DPP6: variants seen among roughly 807,000 people sequenced by gnomAD.
DPP6 encodes dipeptidyl peptidase like 6.
DPP6 carries 69 observed loss-of-function variants against 122.6 expected under a neutral mutation model. That is an observed-to-expected ratio of 0.56 (90% confidence interval 0.46 to 0.69). DPP6 has a LOEUF of 0.69. Ranked by LOEUF, DPP6 falls within the 30% of genes least tolerant of loss-of-function variation. DPP6 has a pLI of 0.00. For missense variants in DPP6, 928 were observed against 1,116.9 expected, an observed-to-expected ratio of 0.83 and a Z score of 2.41; for synonymous variants, 418 against 433.1, an observed-to-expected ratio of 0.97 and a Z score of 0.43.
chr7:154,628,929 T>C (rs1835248711), intron 5 of DPP6, among the ~76,000 whole-genome samples: 1 of 152,218 alleles, frequency 6.6e-6, no homozygotes, highest in Admixed American at 6.5e-5. Context: ...GTCTCACCTC[T>C]CCTCATGTCA....
At chr7:153,804,683 A>G in the DPP6 span, among the ~76,000 whole-genome samples, 2 of 152,080 alleles carry the variant, frequency 1.3e-5, no homozygotes, top group East Asian at 1.9e-4. Context: ...TCACAAGGTC[A>G]GGAGTTCGAG....
At chr7:154,501,321 T>TA (rs34057467) in intron 3 of DPP6, among the ~76,000 whole-genome samples, 79,111 of 151,540 alleles carry the variant, frequency 0.52, 20,703 homozygotes, top group Middle Eastern at 0.61. Context: ...TAATGAGGAG[T>TA]AAAATGTTAA....
At chr7:154,036,116 A>C (rs1799513106) in intron 1 of DPP6, among the ~76,000 whole-genome samples, 1 of 150,320 alleles carries the variant, frequency 6.7e-6, no homozygotes, top group African/African-American at 2.5e-5. Context: ...GCTTTTCTCT[A>C]CTTTTTTTTT....
chr7:154,787,447 G>T (rs1797404304), intron 10 of DPP6, among the ~76,000 whole-genome samples: 1 of 152,132 alleles, frequency 6.6e-6, no homozygotes, highest in Non-Finnish European at 1.5e-5. Flanking sequence ...TGCATTAAAG[G>T]TGCCTGTCCA....
chr7:154,131,459 C>T (rs1795281495), intron 1 of DPP6, among the ~76,000 whole-genome samples: 1 of 152,238 alleles, frequency 6.6e-6, no homozygotes, highest in Admixed American at 6.5e-5. Context: ...ATGTCAGAGG[C>T]CCTCATTGCT....
chr7:154,312,482 C>T (rs1260352609), intron 1 of DPP6, among the ~76,000 whole-genome samples: 1 of 152,192 alleles, frequency 6.6e-6, no homozygotes, highest in East Asian at 1.9e-4. Context: ...AGAAATTTAA[C>T]TTCCCCTGCC....
At chr7:153,992,105 TC>T (rs774039353) in intron 1 of DPP6, among the ~76,000 whole-genome samples, 2 of 151,850 alleles carry the variant, frequency 1.3e-5, no homozygotes, top group Non-Finnish European at 2.9e-5. Context: ...TTTGAACACC[TC>T]CCAAAAGGCC....
At position 154,063,646 on chromosome 7, in the gene DPP6, C is replaced by T. The variant is rs186783979; in HGVS notation, c.243+10583C>T. On this transcript the variant is annotated intron_variant, in intron 1 of 25. Coordinates refer to ENST00000377770, the MANE Select transcript of DPP6 (RefSeq NM_130797.4). ...AGGCAGGGACTGAGAGCCACTCCCTCTTCCCCCTCTGGCGCTTAGGACCCC... is the reference window on the plus strand; with the variant it reads ...AGGCAGGGACTGAGAGCCACTCCCTTTTCCCCCTCTGGCGCTTAGGACCCC... 1.0e-2 allele frequency among the ~76,000 whole-genome samples: 1,277 copies of T among 128,216 alleles called. 24 individuals carry two copies. The highest frequency in any genetic ancestry group is 0.014 in the Non-Finnish European group (825 of 60,158). The allele number at this position is 128,216 out of a possible 152,430, so 84.1% of individuals were successfully genotyped here. A position where few individuals can be genotyped will look rare whatever the true frequency, so the allele number is the denominator to read the frequency against.
chr7:154,607,872 A>ATT (rs1209956166), intron 5 of DPP6, among the ~76,000 whole-genome samples: 1 of 120,302 alleles, frequency 8.3e-6, no homozygotes, highest in Non-Finnish European at 1.9e-5. Context: ...TCATACATGT[A>ATT]TTTTTAACTA....
At chr7:154,654,981 A>C (rs2131012107) in intron 6 of DPP6, among the ~76,000 whole-genome samples, 1 of 152,266 alleles carries the variant, frequency 6.6e-6, no homozygotes, top group South Asian at 2.1e-4. Flanking sequence ...CCCACTTATT[A>C]ATCCACCCAT....
intron 5 of DPP6, among the ~76,000 whole-genome samples, chr7:154,572,551 C>G (rs1212008188): frequency 1.7e-5 from 2 of 114,596 alleles, no homozygotes; most frequent in Non-Finnish European, 3.3e-5. Context: ...GTGTCTCACT[C>G]TGTTGCCCAG....
intron 1 of DPP6, among the ~76,000 whole-genome samples, chr7:154,205,507 T>A (rs969497289): frequency 6.6e-6 from 1 of 152,238 alleles, no homozygotes; most frequent in African/African-American, 2.4e-5. Flanking sequence ...TACACTGATA[T>A]GGTTTCAATC....
chr7:154,731,807 C>A (rs572999109), intron 8 of DPP6, among the ~76,000 whole-genome samples: 24 of 152,090 alleles, frequency 1.6e-4, no homozygotes, highest in Non-Finnish European at 2.8e-4. Flanking sequence ...ATAAACTAAA[C>A]GTAAGATGTT....
intron 6 of DPP6, among the ~76,000 whole-genome samples, chr7:154,649,689 C>T (rs1408209293): frequency 1.3e-5 from 2 of 152,220 alleles, no homozygotes; most frequent in African/African-American, 4.8e-5. Context: ...CTACCTGGCA[C>T]CTGGGGCCTC....
Position 154,061,928 on chromosome 7 carries a change from C to G in DPP6, c.243+8865C>G, listed in dbSNP as rs1337486730. ...TTCCCCCCCTGGCTCTGAGGACCCC[C>G]ATCGCAGGAGGGGGAGGCAACCCTG... On this transcript the variant is annotated intron_variant, in intron 1 of 25. Transcript: ENST00000377770. Among the ~76,000 whole-genome samples, 10 of 132,772 alleles carry G rather than the reference C, an allele frequency of 7.5e-5. 1 individual carries two copies. The highest frequency in any genetic ancestry group is 3.8e-4 in the Admixed American group (5 of 13,154). 87.1% of individuals were successfully genotyped at this position (132,772 alleles called of 152,430 possible).
exon 1 of DPP6, chr7:153,887,445 T>C: frequency 2.2e-6 from 1 of 452,694 alleles, no homozygotes; most frequent in East Asian, 3.3e-5. Context: ...AGGCTTTTTT[T>C]CTTTCTTTCT....
intron 1 of DPP6, among the ~76,000 whole-genome samples, chr7:154,406,984 A>C (rs1267265387): frequency 6.6e-6 from 1 of 152,188 alleles, no homozygotes; most frequent in Non-Finnish European, 1.5e-5. Flanking sequence ...TCAGGCAAAC[A>C]TCAGCTTTTC....
At chr7:154,199,549 G>A (rs914397289) in intron 1 of DPP6, among the ~76,000 whole-genome samples, 1 of 151,940 alleles carries the variant, frequency 6.6e-6, no homozygotes. Flanking sequence ...TTGCATAGAA[G>A]CCTAGCACTG....
At chr7:154,044,810 G>A (rs73729265) in intron 1 of DPP6, among the ~76,000 whole-genome samples, 2,627 of 152,226 alleles carry the variant, frequency 0.017, 89 homozygotes, top group African/African-American at 0.06. Context: ...TTTTAATTAA[G>A]GACAGGATTT....
Sources: allele counts gnomAD v4.1 joint callset (sites outside exome capture counted in the v4.1 genomes callset), GRCh38; gene constraint gnomAD v4.1.1; transcripts MANE v1.5; gene names NCBI Gene and HGNC (gene_info 2026-07-23, HGNC 2026-07-21).